Variants in SH3PXD2A observed in about 807,000 individuals in gnomAD.
The protein encoded by SH3PXD2A is SH3 and PX domain-containing protein 2A.
SH3PXD2A carries 32 observed loss-of-function variants against 115.2 expected under a neutral mutation model. The observed-to-expected ratio is 0.28, with a 90% CI of 0.21 to 0.37. The LOEUF is 0.37. SH3PXD2A is among the 10% of genes least tolerant of loss of function. The pLI is 1.00. For synonymous variants in SH3PXD2A, 610 were observed against 629.1 expected (o/e 0.97, Z 0.45); for missense variants, 1,328 against 1,498.7 (o/e 0.89, Z 1.88).
chr10:103,774,120 G>T (rs200940513), intron 2 of SH3PXD2A, among the ~76,000 whole-genome samples: 302 of 152,240 alleles, frequency 2.0e-3, no homozygotes, highest in African/African-American at 6.9e-3. Context: ...TGGAAAATTT[G>T]TGGCCATTTA....
At chr10:103,651,785 G>A (rs1274468014) in intron 8 of SH3PXD2A, among the ~76,000 whole-genome samples, 4 of 152,184 alleles carry the variant, frequency 2.6e-5, no homozygotes, top group African/African-American at 7.2e-5. Context: ...TAGCTAGCAC[G>A]AGCAGGCATC....
intron 1 of SH3PXD2A, among the ~76,000 whole-genome samples, chr10:103,829,712 T>G (rs1589474691): frequency 6.6e-6 from 1 of 152,208 alleles, no homozygotes; most frequent in Admixed American, 6.5e-5. Context: ...GACCTAAAGC[T>G]ATGCTTAAGC....
chr10:103,811,642 G>A (rs1405381704), intron 1 of SH3PXD2A, among the ~76,000 whole-genome samples: 2 of 152,160 alleles, frequency 1.3e-5, no homozygotes, highest in African/African-American at 4.8e-5. Context: ...GCAAGACAGA[G>A]TCCCTGCCAC....
intron 2 of SH3PXD2A, among the ~76,000 whole-genome samples, chr10:103,792,532 T>C (rs2134253236): frequency 6.6e-6 from 1 of 152,368 alleles, no homozygotes; most frequent in South Asian, 2.1e-4. Context: ...TTATATGGAC[T>C]GTGTCATTTT....
At position 103,794,843 on chromosome 10, in the gene SH3PXD2A, G is replaced by A. The variant is rs1019507593; in HGVS notation, c.153+6439C>T. On this transcript the variant is annotated intron_variant, in intron 2 of 14. Coordinates refer to ENST00000369774, the MANE Select transcript of SH3PXD2A (RefSeq NM_001394015.1). Reference sequence around the variant, plus strand: ...TGAAAGGCTCTTAGAAGCCCTCTCGGGAACCTGACCTGGTTTCCAGAAGAA... The same window carrying A: ...TGAAAGGCTCTTAGAAGCCCTCTCGAGAACCTGACCTGGTTTCCAGAAGAA... 7.9e-5 allele frequency among the ~76,000 whole-genome samples: 12 copies of A among 152,322 alleles called. No individual in the cohort carries two copies. The Middle Eastern group carries it at 0.014, about 173-fold the overall frequency.
At chr10:103,819,229 A>T (rs557111734) in intron 1 of SH3PXD2A, among the ~76,000 whole-genome samples, 61 of 152,320 alleles carry the variant, frequency 4.0e-4, no homozygotes, top group African/African-American at 1.4e-3. Context: ...GTACTAAGGG[A>T]CAATGTGCTG....
At chr10:103,648,984 G>A (rs373575957) in intron 8 of SH3PXD2A, among the ~76,000 whole-genome samples, 20 of 152,288 alleles carry the variant, frequency 1.3e-4, no homozygotes, top group African/African-American at 4.6e-4. Flanking sequence ...AGGAGTCCAC[G>A]ATCCCTGTGA....
chr10:103,678,291 A>T (rs1424817413), intron 6 of SH3PXD2A: 1 of 488,124 alleles, frequency 2.0e-6, no homozygotes. Context: ...GATGCCACGT[A>T]AACAGAGCTG....
intron 1 of SH3PXD2A, among the ~76,000 whole-genome samples, chr10:103,810,396 C>T (rs182464406): frequency 2.2e-4 from 34 of 152,294 alleles, no homozygotes; most frequent in Admixed American, 1.2e-3. Context: ...TGACAAATCA[C>T]GGAGGGACAG....
intron 5 of SH3PXD2A, among the ~76,000 whole-genome samples, chr10:103,722,782 T>C (rs1439150841): frequency 6.6e-6 from 1 of 152,162 alleles, no homozygotes; most frequent in Admixed American, 6.5e-5. Context: ...CTCAATACTT[T>C]GCATCCTATA....
rs530867032 is a variant in SH3PXD2A at position 103,666,165 on chromosome 10, A to G, written c.472+2443T>C. ...AATTCAAGCCCAGTCTTTCTTGCCAATCTGAGCTCCCCAAGTTCCTTGATC... is the reference window on the plus strand; with the variant it reads ...AATTCAAGCCCAGTCTTTCTTGCCAGTCTGAGCTCCCCAAGTTCCTTGATC... On this transcript the variant is annotated intron_variant, in intron 7 of 14. Transcript: ENST00000369774. The surrounding 1 kb of genome is among the most constrained non-coding windows in gnomAD (Gnocchi z 4.5). Among the ~76,000 whole-genome samples the G allele has an allele frequency of 6.6e-6, 1 of 152,230 alleles. No homozygotes were observed. Among genetic ancestry groups the G allele is most frequent in the East Asian group, 1.9e-4 (1 of 5,176 alleles).
chr10:103,737,385 A>G (rs1195749201), intron 3 of SH3PXD2A, among the ~76,000 whole-genome samples: 1 of 152,240 alleles, frequency 6.6e-6, no homozygotes, highest in African/African-American at 2.4e-5. Context: ...TGCTTCTGTC[A>G]AGGTCCGAGT....
rs67561170 is a variant in SH3PXD2A, at chr10:103,730,232, CTTTTTTTTT to C, written c.306+5491_306+5499del. ...GCAGCATCAGTTTCTTTTCTCGTTT[CTTTTTTTTT>C]TTTTTTTTTTGCTCCTTCCTGCACA... On this transcript the variant is annotated intron_variant, in intron 4 of 14. Transcript: ENST00000369774. Among the ~76,000 whole-genome samples, 39 of 118,246 alleles carry C rather than the reference CTTTTTTTTT, an allele frequency of 3.3e-4. No homozygotes were observed. The South Asian group carries it at 3.8e-3, about 11-fold the overall frequency. 77.6% of individuals were successfully genotyped at this position (118,246 alleles called of 152,430 possible).
Position 103,666,959 on chromosome 10 carries a change from G to A in SH3PXD2A, c.472+1649C>T, listed in dbSNP as rs1222137313. 6.6e-6 allele frequency among the ~76,000 whole-genome samples: 1 copy of A among 152,164 alleles called. No homozygotes were observed. Among genetic ancestry groups the A allele is most frequent in the African/African-American group, 2.4e-5 (1 of 41,436 alleles). ...AGACCCTACCTTCAGCAGGTAACGG[G>A]TACTTGCCAGCTGGATTGAGAGGCA... On this transcript the variant is annotated intron_variant, in intron 7 of 14. Coordinates refer to ENST00000369774, the MANE Select transcript of SH3PXD2A (RefSeq NM_001394015.1). The surrounding 1 kb of genome is among the most constrained non-coding windows in gnomAD (Gnocchi z 4.5).
At chr10:103,669,712 G>A (rs1380840642) in intron 6 of SH3PXD2A, among the ~76,000 whole-genome samples, 2 of 152,258 alleles carry the variant, frequency 1.3e-5, no homozygotes, top group African/African-American at 2.4e-5. Context: ...CAAAGGAGCA[G>A]AGCACTGGCT....
At chr10:103,729,377 C>T (rs373822307) in intron 4 of SH3PXD2A, among the ~76,000 whole-genome samples, 13 of 152,352 alleles carry the variant, frequency 8.5e-5, no homozygotes, top group African/African-American at 2.9e-4. Flanking sequence ...TCTGAAGTTT[C>T]TTCCAGCTCT....
intron 6 of SH3PXD2A, among the ~76,000 whole-genome samples, chr10:103,674,418 G>GA (rs1227863287): frequency 2.0e-5 from 3 of 152,236 alleles, no homozygotes; most frequent in African/African-American, 7.2e-5. Context: ...ACCTGAAACA[G>GA]GTTGTCATGC....
At chr10:103,725,061 G>T (rs564390480) in intron 4 of SH3PXD2A, among the ~76,000 whole-genome samples, 2 of 152,338 alleles carry the variant, frequency 1.3e-5, no homozygotes, top group African/African-American at 4.8e-5. Flanking sequence ...AAAGCACTAT[G>T]ATGGAGTTTG....
At chr10:103,698,325 CT>C (rs1472805329) in intron 5 of SH3PXD2A, among the ~76,000 whole-genome samples, 1 of 152,242 alleles carries the variant, frequency 6.6e-6, no homozygotes, top group Non-Finnish European at 1.5e-5. Context: ...CGCCACACCC[CT>C]CACCACTCTC....
Sources: allele counts gnomAD v4.1 joint callset (sites outside exome capture counted in the v4.1 genomes callset), GRCh38; gene constraint gnomAD v4.1.1; non-coding constraint Gnocchi (gnomAD v3.1); transcripts MANE v1.5; gene names NCBI Gene and HGNC (gene_info 2026-07-23, HGNC 2026-07-21).